RNF10: variants seen among roughly 807,000 people sequenced by gnomAD.
RNF10 encodes the protein E3 ubiquitin-protein ligase RNF10.
In RNF10, 38 loss-of-function variants were observed where a neutral mutation model predicts 91.4. The observed-to-expected ratio is 0.42, with a 90% CI of 0.32 to 0.54. The LOEUF (loss-of-function observed/expected upper bound fraction) is 0.54, where lower values mean the gene tolerates loss of function less well. Among genes scored for constraint, RNF10 ranks in the 20% least tolerant of loss-of-function variants. RNF10 has a pLI of 0.16. For missense variants in RNF10, 945 were observed against 1,012.0 expected, an observed-to-expected ratio of 0.93 and a Z score of 0.90; for synonymous variants, 364 against 366.3, an observed-to-expected ratio of 0.99 and a Z score of 0.07.
At chr12:120,565,582 G>C in intron 12 of RNF10, 53 bp downstream of exon 12, 12 of 1,496,954 alleles carry the variant, frequency 8.0e-6, no homozygotes, top group Non-Finnish European at 1.1e-5. Context: ...TCGTTGTATA[G>C]AACTCTGTGT....
intron 13 of RNF10, among the ~76,000 whole-genome samples, chr12:120,567,711 A>AG (rs1454648708): frequency 6.6e-6 from 1 of 152,080 alleles, no homozygotes; most frequent in African/African-American, 2.4e-5. Context: ...AAAAAAAAAA[A>AG]AAAAAAATCA....
Position 120,557,474 on chromosome 12 carries a change from T to G in RNF10, c.830+8T>G, listed in dbSNP as rs1337811622. 2.5e-6 allele frequency: 4 copies of G among 1,613,516 alleles called. No homozygotes were observed. The highest frequency in any genetic ancestry group is 3.4e-6 in the Non-Finnish European group (4 of 1,179,540). On this transcript the variant is annotated splice_region_variant and intron_variant, in intron 5 of 16. Transcript: ENST00000325954. The stretch of plus-strand genomic sequence containing the variant: ...TAAGAAGGATCTCAAGAGGTGAGAT[T>G]GAGACATTTACTCAGTTAGATCCCA...
In RNF10 at chr12:120,554,714, C is replaced by T. The variant is rs776859303; in HGVS notation, c.555-4C>T. 1 of 1,611,876 alleles carries T rather than the reference C, an allele frequency of 6.2e-7. No individual in the cohort carries two copies. The highest frequency in any genetic ancestry group is 1.1e-5 in the South Asian group (1 of 90,998). On this transcript the variant is annotated splice_region_variant and splice_polypyrimidine_tract_variant and intron_variant, in intron 3 of 16. Transcript: ENST00000325954. ...TAGCTTTTTCCTGTCTTTCCTATTT[C>T]TAGCTGCCAATTTGTGGTGTCTGAA...
intron 1 of RNF10, among the ~76,000 whole-genome samples, chr12:120,540,056 A>G (rs1334215885): frequency 7.0e-6 from 1 of 143,450 alleles, no homozygotes; most frequent in East Asian, 2.0e-4. Context: ...CTGGTCTCAA[A>G]CTCCTGACCT....
intron 13 of RNF10, among the ~76,000 whole-genome samples, chr12:120,569,538 C>CTTTTTTTTTTTTTTTTTTTTTT (rs58304342): frequency 4.3e-5 from 5 of 115,238 alleles, no homozygotes; most frequent in Admixed American, 1.1e-4. Context: ...TGATATGCAT[C>CTTTTTTTTTTTTTTTTTTTTTT]TTTTTTTTTT....
intron 2 of RNF10, among the ~76,000 whole-genome samples, chr12:120,551,307 T>TTG (rs1873045296): frequency 7.0e-6 from 1 of 143,102 alleles, no homozygotes; most frequent in African/African-American, 2.5e-5. Context: ...TTTTTTTTTT[T>TTG]TTTTTGAAAT....
At chr12:120,548,406 T>G (rs1214006551) in intron 2 of RNF10, among the ~76,000 whole-genome samples, 1 of 152,082 alleles carries the variant, frequency 6.6e-6, no homozygotes, top group Non-Finnish European at 1.5e-5. Flanking sequence ...GAGAGCACAG[T>G]CAGGGCGGGA....
chr12:120,565,567 G>A, intron 12 of RNF10, 38 bp downstream of exon 12: 2 of 1,545,154 alleles, frequency 1.3e-6, no homozygotes, highest in Non-Finnish European at 1.8e-6. Context: ...TAGCACTGCT[G>A]TACGTCGTTG....
chr12:120,538,275 G>T (rs1276546622), intron 1 of RNF10, among the ~76,000 whole-genome samples: 3 of 152,168 alleles, frequency 2.0e-5, no homozygotes, highest in African/African-American at 7.2e-5. Flanking sequence ...CCTCGTGGAA[G>T]AAAGCCCTTT....
At chr12:120,565,895 C>G (rs1875614645) in intron 12 of RNF10, among the ~76,000 whole-genome samples, 1 of 152,228 alleles carries the variant, frequency 6.6e-6, no homozygotes, top group Admixed American at 6.5e-5. Context: ...CACAGCAAGT[C>G]TGCCAGGTGG....
chr12:120,540,000 A>C (rs867114233), intron 1 of RNF10, among the ~76,000 whole-genome samples: 1 of 151,074 alleles, frequency 6.6e-6, no homozygotes, highest in Admixed American at 6.6e-5. Context: ...ACACCGGCCT[A>C]ATTTTTGTAT....
intron 14 of RNF10, chr12:120,574,559 G>A (rs565953333): frequency 8.1e-5 from 37 of 456,004 alleles, no homozygotes; most frequent in South Asian, 1.5e-4. Context: ...CTGTTGAAGC[G>A]GTGTCAGGAG....
chr12:120,536,906 AAAAC>A (rs1354917573), intron 1 of RNF10, among the ~76,000 whole-genome samples: 26 of 152,324 alleles, frequency 1.7e-4, no homozygotes, highest in Middle Eastern at 3.4e-3. Context: ...AACTTAAAAT[AAAAC>A]AAACAAACAG....
intron 2 of RNF10, among the ~76,000 whole-genome samples, chr12:120,547,069 T>C (rs1872449070): frequency 6.6e-6 from 1 of 152,134 alleles, no homozygotes; most frequent in African/African-American, 2.4e-5. Context: ...AGTTGCGAAA[T>C]TGGGAAATAA....
rs1648247352 is a variant in RNF10 at position 120,576,890 on chromosome 12, C to G, written c.*224C>G. On this transcript the variant is annotated 3_prime_UTR_variant, in exon 17 of 17. Coordinates refer to ENST00000325954, the MANE Select transcript of RNF10 (RefSeq NM_014868.5). ...AAAATAAAGTATTGACACAAGAGAT[C>G]TCTTCCTGCCAAGGTTTTTAGTTCA... The G allele has an allele frequency of 5.8e-6, 3 of 519,470 alleles. No homozygotes were observed. The highest frequency in any genetic ancestry group is 1.0e-5 in the Non-Finnish European group (3 of 299,384). 32.2% of individuals were successfully genotyped at this position (519,470 alleles called of 1,614,324 possible).
chr12:120,554,767 G>T lies in RNF10; in HGVS notation c.604G>T (p.Asp202Tyr). The T allele has an allele frequency of 6.2e-7, 1 of 1,614,144 alleles. No individual in the cohort carries two copies. The highest frequency in any genetic ancestry group is 1.1e-5 in the South Asian group (1 of 91,078). The change falls in exon 4 of 17, where the codon GAT becomes TAT. Residue 202 changes from aspartate to tyrosine, a missense_variant. By Grantham distance (160) the Asp-to-Tyr change is radical. Transcript: ENST00000325954. ...EDQDYTAHFA[D>Y]PDTLVNWDFV... ...CCAAGACTACACAGCTCATTTTGCT[G>T]ATCCTGATACATTAGTTAACTGGGA...
chr12:120,561,960 C>G (rs563626429), intron 7 of RNF10, among the ~76,000 whole-genome samples: 2 of 152,066 alleles, frequency 1.3e-5, no homozygotes, highest in Non-Finnish European at 2.9e-5. Context: ...GATTTCTGTT[C>G]TGGAAGTTTT....
intron 1 of RNF10, among the ~76,000 whole-genome samples, chr12:120,538,988 G>A (rs1871200822): frequency 1.3e-5 from 2 of 152,116 alleles, no homozygotes. Flanking sequence ...AGAATTTCAG[G>A]GCCCGTTGGC....
intron 14 of RNF10, among the ~76,000 whole-genome samples, chr12:120,573,606 T>C (rs1478838425): frequency 2.2e-4 from 34 of 151,438 alleles, no homozygotes; most frequent in Admixed American, 2.2e-3. Flanking sequence ...AAAAAGTTTA[T>C]TTGGCTCATG....
Sources: gnomAD v4.1 joint callset for allele counts (sites outside exome capture counted in the v4.1 genomes callset) on GRCh38, gnomAD v4.1.1 for gene constraint, MANE v1.5 for transcripts, NCBI Gene and HGNC (gene_info 2026-07-23, HGNC 2026-07-21) for gene names.